CFAP20DC: variants seen among roughly 807,000 people sequenced by gnomAD.
CFAP20DC encodes the protein protein CFAP20DC.
Under a neutral mutation model 101.7 loss-of-function variants are expected in CFAP20DC, and 84 were observed. The observed-to-expected ratio is 0.83, with a 90% CI of 0.69 to 0.99. CFAP20DC has a LOEUF of 0.99. Among genes scored for constraint, CFAP20DC ranks in the 50% least tolerant of loss-of-function variants. The pLI is 0.00. For missense variants in CFAP20DC, 1,007 were observed against 970.3 expected (o/e 1.04, Z -0.50); for synonymous variants, 359 against 351.2 (o/e 1.02, Z -0.25).
At chr3:58,748,732 T>A (rs2068370884) in intron 16 of CFAP20DC, among the ~76,000 whole-genome samples, 1 of 152,108 alleles carries the variant, frequency 6.6e-6, no homozygotes, top group South Asian at 2.1e-4. Flanking sequence ...AAATACAACT[T>A]CCTAAATTAA....
rs144011230 is a variant in CFAP20DC, at chr3:58,720,299, T to C, written c.198-2671A>G. 7.0e-4 allele frequency among the ~76,000 whole-genome samples: 106 copies of C among 152,336 alleles called. No homozygotes were observed. In the South Asian group the frequency reaches 0.01, roughly 15 times the overall value. On this transcript the variant is annotated intron_variant, in intron 3 of 3. Transcript: ENST00000486145. ...ATGAATGTAGAAATGAATAAAGTTG[T>C]TTAAGTTCTCTGAGCCTCAGTTTCC...
chr3:58,975,417 G>C (rs766717378), intron 4 of CFAP20DC, among the ~76,000 whole-genome samples: 3 of 151,976 alleles, frequency 2.0e-5, no homozygotes, highest in Non-Finnish European at 4.4e-5. Flanking sequence ...ATAAATGTTG[G>C]CCAAATTATA....
chr3:58,976,082 A>G (rs1028840073), intron 4 of CFAP20DC, among the ~76,000 whole-genome samples: 1 of 152,250 alleles, frequency 6.6e-6, no homozygotes, highest in Admixed American at 6.5e-5. Flanking sequence ...GTCTGTAAGA[A>G]GCAACCTTTG....
chr3:58,797,280 G>C (rs560562947), intron 15 of CFAP20DC, among the ~76,000 whole-genome samples: 3 of 152,258 alleles, frequency 2.0e-5, no homozygotes, highest in South Asian at 4.1e-4. Context: ...GAAATTCGAA[G>C]TACTTACTCC....
intron 15 of CFAP20DC, among the ~76,000 whole-genome samples, chr3:58,793,391 T>A (rs1352899334): frequency 6.6e-6 from 1 of 152,206 alleles, no homozygotes; most frequent in East Asian, 1.9e-4. Flanking sequence ...GAATGTCACA[T>A]GGCTGGTTGT....
intron 4 of CFAP20DC, among the ~76,000 whole-genome samples, chr3:59,029,160 C>T (rs1478905059): frequency 6.6e-6 from 1 of 152,160 alleles, no homozygotes; most frequent in Non-Finnish European, 1.5e-5. Context: ...CATTAGTCCA[C>T]CCATCCTTCC....
intron 16 of CFAP20DC, among the ~76,000 whole-genome samples, chr3:58,750,953 T>C (rs2068522335): frequency 1.3e-5 from 2 of 152,148 alleles, no homozygotes. Context: ...TTTAGAAATA[T>C]ACCAAATATA....
At chr3:58,838,870 G>A (rs964603187) in intron 13 of CFAP20DC, among the ~76,000 whole-genome samples, 2 of 152,102 alleles carry the variant, frequency 1.3e-5, no homozygotes, top group Non-Finnish European at 2.9e-5. Flanking sequence ...TAATCGAATA[G>A]GTTTCATACT....
intron 5 of CFAP20DC, among the ~76,000 whole-genome samples, chr3:58,921,595 G>A (rs894266043): frequency 6.6e-6 from 1 of 151,978 alleles, no homozygotes; most frequent in Non-Finnish European, 1.5e-5. Context: ...TATAGCACAG[G>A]GCATCCTATG....
At position 58,914,090 on chromosome 3, in the gene CFAP20DC, C is replaced by T. The variant is rs149729244; in HGVS notation, c.394-226G>A. Among the ~76,000 whole-genome samples, 191 of 152,260 alleles carry T rather than the reference C, an allele frequency of 1.3e-3. 1 individual carries two copies. Among genetic ancestry groups the T allele is most frequent in the Non-Finnish European group, 2.3e-3 (154 of 68,014 alleles). ...AAATTACACATTGGTCATCTGACTA[C>T]AGAATTCCCATCATGAGACAAGACT... On this transcript the variant is annotated intron_variant, in intron 5 of 16. Coordinates refer to ENST00000482387, the MANE Select transcript of CFAP20DC (RefSeq NM_001394063.1). This position sits in a 1 kb window ranked among gnomAD's most constrained non-coding sequence, Gnocchi z 4.9.
At chr3:58,797,913 C>T (rs148440695) in intron 15 of CFAP20DC, among the ~76,000 whole-genome samples, 2 of 152,250 alleles carry the variant, frequency 1.3e-5, no homozygotes, top group African/African-American at 4.8e-5. Flanking sequence ...GGCACATCTG[C>T]TTATAGCACA....
intron 7 of CFAP20DC, among the ~76,000 whole-genome samples, chr3:58,881,625 A>G (rs1216374453): frequency 6.6e-6 from 1 of 152,198 alleles, no homozygotes; most frequent in Non-Finnish European, 1.5e-5. Flanking sequence ...TGAAAACACT[A>G]GAAAGCACCC....
At chr3:58,966,607 T>C (rs2091559886) in intron 4 of CFAP20DC, among the ~76,000 whole-genome samples, 1 of 151,350 alleles carries the variant, frequency 6.6e-6, no homozygotes. Context: ...CACTATAACC[T>C]CAGCCTCCCG....
chr3:58,871,332 A>G (rs1430772717), intron 7 of CFAP20DC, among the ~76,000 whole-genome samples: 5 of 152,118 alleles, frequency 3.3e-5, no homozygotes, highest in Non-Finnish European at 7.4e-5. Flanking sequence ...TTAAAATGTG[A>G]AGAGCCTATT....
At position 58,874,101 on chromosome 3, in the gene CFAP20DC, A is replaced by G. The variant is rs1241378492; in HGVS notation, c.716-3792T>C. Among the ~76,000 whole-genome samples, 2 of 152,228 alleles carry G rather than the reference A, an allele frequency of 1.3e-5. No individual in the cohort carries two copies. Among genetic ancestry groups the G allele is most frequent in the African/African-American group, 2.4e-5 (1 of 41,456 alleles). The stretch of plus-strand genomic sequence containing the variant: ...CTGAGCTCCACTCCTTATATCCAGT[A>G]GCCTCTTTACCAGCTCCTCTTCAGT... On this transcript the variant is annotated intron_variant, in intron 7 of 16. Transcript: ENST00000482387. This position sits in a 1 kb window ranked among gnomAD's most constrained non-coding sequence, Gnocchi z 5.1.
downstream of CFAP20DC, among the ~76,000 whole-genome samples, chr3:58,740,569 A>G (rs544040550): frequency 2.6e-5 from 4 of 152,156 alleles, no homozygotes; most frequent in Admixed American, 2.0e-4. This position sits in a 1 kb window ranked among gnomAD's most constrained non-coding sequence, Gnocchi z 4.6. Context: ...CTTGCAATTT[A>G]AGAATCCCAA....
At chr3:59,047,365 G>A in intron 1 of CFAP20DC, 111 bp from the exon 2 acceptor site, 1 of 674,922 alleles carries the variant, frequency 1.5e-6, no homozygotes, top group South Asian at 2.1e-5. Context: ...GATCTGGGAT[G>A]AAACATTCTC....
At position 58,732,551 on chromosome 3, in the gene CFAP20DC, C is replaced by G. The variant is rs2067665308; in HGVS notation, c.198-14923G>C. ...TTTATAGTGCACACTATTTTAGAGG[C>G]TGACATGTACAGTTCTTTTTCCAGC... On this transcript the variant is annotated intron_variant, in intron 3 of 3. Transcript: ENST00000486145. The surrounding 1 kb of genome is among the most constrained non-coding windows in gnomAD (Gnocchi z 5.4). Among the ~76,000 whole-genome samples, 1 of 152,106 alleles carries G rather than the reference C, an allele frequency of 6.6e-6. No homozygotes were observed. The highest frequency in any genetic ancestry group is 2.4e-5 in the African/African-American group (1 of 41,404).
rs193021389 is a variant in CFAP20DC, at chr3:58,895,720, C to T, written c.551-11011G>A. Among the ~76,000 whole-genome samples the T allele has an allele frequency of 2.4e-3, 360 of 152,234 alleles. 2 individuals are homozygous for T. Among genetic ancestry groups the T allele is most frequent in the Admixed American group, 6.1e-3 (94 of 15,290 alleles). On this transcript the variant is annotated intron_variant, in intron 6 of 16. Transcript: ENST00000482387. ...TTTACTGTATTAGGCTGTTTTCATG[C>T]TACTGATAAAGACATACCCGAGACT...
Sources: allele counts gnomAD v4.1 joint callset (sites outside exome capture counted in the v4.1 genomes callset), GRCh38; gene constraint gnomAD v4.1.1; non-coding constraint Gnocchi (gnomAD v3.1); transcripts MANE v1.5; gene names NCBI Gene and HGNC (gene_info 2026-07-23, HGNC 2026-07-21).